Variants in PCDH11X observed in about 807,000 individuals in gnomAD.
PCDH11X encodes the protein protocadherin-11 X-linked.
A neutral mutation model predicts 53.3 loss-of-function variants in PCDH11X; 18 were observed. The observed-to-expected ratio is 0.34, with a 90% CI of 0.23 to 0.50. The LOEUF is 0.50. Among genes scored for constraint, PCDH11X ranks in the 20% least tolerant of loss-of-function variants. The pLI, the probability that PCDH11X is intolerant of heterozygous loss-of-function variation, is 0.98. For missense variants in PCDH11X, 570 were observed against 1,032.4 expected, an observed-to-expected ratio of 0.55 and a Z score of 6.14; for synonymous variants, 279 against 393.3, an observed-to-expected ratio of 0.71 and a Z score of 3.44.
At chrX:92,574,988 TA>T (rs1922653847) in intron 10 of PCDH11X, among the ~76,000 whole-genome samples, 1 of 110,843 alleles carries the variant, frequency 9.0e-6, no homozygotes, top group Admixed American at 9.7e-5. Flanking sequence ...TATATGACTG[TA>T]AAAGTGCGCT....
At chrX:92,324,390 C>T (rs1445529645) in intron 8 of PCDH11X, among the ~76,000 whole-genome samples, 3 of 111,006 alleles carry the variant, frequency 2.7e-5, no homozygotes, top group Admixed American at 9.7e-5. Flanking sequence ...CTTTCTTCCA[C>T]GTCAATAGAG....
chrX:91,799,405 T>A (rs1935851946), intron 1 of PCDH11X, among the ~76,000 whole-genome samples: 1 of 111,838 alleles, frequency 8.9e-6, no homozygotes, highest in Admixed American at 9.5e-5. Flanking sequence ...TAAGAGACTG[T>A]TTGCTATGAA....
intron 6 of PCDH11X, among the ~76,000 whole-genome samples, chrX:92,092,008 T>C (rs867013902): frequency 4.5e-5 from 5 of 111,491 alleles, no homozygotes; most frequent in Middle Eastern, 4.6e-3. Context: ...AAATATATTT[T>C]GGGGTAAAAT....
At chrX:92,305,566 C>T (rs2755305) in intron 8 of PCDH11X, among the ~76,000 whole-genome samples, 3 of 110,756 alleles carry the variant, frequency 2.7e-5, no homozygotes, top group African/African-American at 9.9e-5. Flanking sequence ...CCTTAATTAC[C>T]TTCCTAAAGG....
intron 10 of PCDH11X, among the ~76,000 whole-genome samples, chrX:92,530,799 C>T (rs768051054): frequency 2.7e-5 from 3 of 110,878 alleles, no homozygotes; most frequent in Non-Finnish European, 5.7e-5. Flanking sequence ...AGGTTGTTTA[C>T]AAAACTTCAA....
chrX:92,200,880 T>G (rs1450761118), intron 6 of PCDH11X, among the ~76,000 whole-genome samples: 1 of 85,891 alleles, frequency 1.2e-5, no homozygotes, highest in African/African-American at 4.0e-5. Flanking sequence ...TTTTATTTTT[T>G]ATCTTTATTT....
chrX:92,580,463 C>T (rs914701153), intron 10 of PCDH11X, among the ~76,000 whole-genome samples: 2 of 105,825 alleles, frequency 1.9e-5, no homozygotes, highest in Non-Finnish European at 1.9e-5. Flanking sequence ...CAATGAGGCC[C>T]GACTCAGTGA....
intron 6 of PCDH11X, among the ~76,000 whole-genome samples, chrX:92,012,434 G>T (rs1371639657): frequency 2.7e-5 from 3 of 111,416 alleles, no homozygotes; most frequent in African/African-American, 9.8e-5. Flanking sequence ...GCTTCTGTAA[G>T]AGGACTTTTT....
Position 92,238,866 on chromosome X carries a change from A to G in PCDH11X, c.3115-24248A>G, listed in dbSNP as rs188396375. ...GCTACTGGTAGAGACTTACTATCCA[A>G]TATGTGGCTGTTGAATCACATAGGC... On this transcript the variant is annotated intron_variant, in intron 7 of 10. Transcript: ENST00000682573. Among the ~76,000 whole-genome samples, 50 of 111,742 alleles carry G rather than the reference A, an allele frequency of 4.5e-4. 1 individual carries two copies. The East Asian group carries it at 0.012, about 26-fold the overall frequency.
At chrX:92,474,551 G>T in intron 10 of PCDH11X, among the ~76,000 whole-genome samples, 1 of 89,322 alleles carries the variant, frequency 1.1e-5, no homozygotes, top group Non-Finnish European at 2.2e-5. Context: ...TCTTCTTTTA[G>T]TTAAGATGAT....
chrX:92,470,055 G>A (rs2073231683), intron 10 of PCDH11X, among the ~76,000 whole-genome samples: 1 of 109,278 alleles, frequency 9.2e-6, no homozygotes, highest in South Asian at 3.9e-4. Flanking sequence ...TTCATTTTTT[G>A]TGTCTTCAAT....
chrX:92,532,385 C>A (rs1006810351), intron 10 of PCDH11X, among the ~76,000 whole-genome samples: 1 of 109,964 alleles, frequency 9.1e-6, no homozygotes, highest in Non-Finnish European at 1.9e-5. Context: ...GGACACCATA[C>A]AATCATTATC....
At chrX:92,375,976 A>C (rs1316614670) in intron 8 of PCDH11X, among the ~76,000 whole-genome samples, 1 of 111,253 alleles carries the variant, frequency 9.0e-6, no homozygotes, top group African/African-American at 3.3e-5. Context: ...AAATTAAGAA[A>C]TATTGATGTG....
intron 9 of PCDH11X, among the ~76,000 whole-genome samples, chrX:92,454,535 A>AACAGT (rs1302623048): frequency 3.7e-5 from 4 of 107,374 alleles, no homozygotes; most frequent in Non-Finnish European, 7.7e-5. Flanking sequence ...AAAAGATATG[A>AACAGT]ACAGTACAGT....
intron 10 of PCDH11X, among the ~76,000 whole-genome samples, chrX:92,475,198 A>G (rs2073356248): frequency 9.7e-6 from 1 of 102,648 alleles, no homozygotes; most frequent in East Asian, 3.1e-4. Context: ...AAAAAAGAAT[A>G]GTTTACACAC....
chrX:91,791,948 G>A (rs1284455759), intron 1 of PCDH11X, among the ~76,000 whole-genome samples: 1 of 100,460 alleles, frequency 1.0e-5, no homozygotes, highest in African/African-American at 3.7e-5. Context: ...TGCAAGCTCC[G>A]CCTCCCGGGT....
chrX:92,071,243 C>A (rs896010315), intron 6 of PCDH11X, among the ~76,000 whole-genome samples: 1 of 110,976 alleles, frequency 9.0e-6, no homozygotes, highest in African/African-American at 3.3e-5. Context: ...CTCACTAATT[C>A]TTTTGTCTGC....
chrX:91,815,226 T>C (rs1936416454), intron 4 of PCDH11X, among the ~76,000 whole-genome samples: 1 of 112,162 alleles, frequency 8.9e-6, no homozygotes, highest in South Asian at 3.6e-4. Context: ...GGATAGTTTA[T>C]ATTTGGATAT....
intron 6 of PCDH11X, among the ~76,000 whole-genome samples, chrX:92,097,168 A>G (rs765220813): frequency 9.0e-6 from 1 of 111,533 alleles, no homozygotes; most frequent in Non-Finnish European, 1.9e-5. Context: ...CTGTAATCCC[A>G]GTACTTTGTG....
Sources: allele counts gnomAD v4.1 joint callset (sites outside exome capture counted in the v4.1 genomes callset), GRCh38; gene constraint gnomAD v4.1.1; transcripts MANE v1.5; gene names NCBI Gene and HGNC (gene_info 2026-07-23, HGNC 2026-07-21).